GFRA1: variants seen among roughly 807,000 people sequenced by gnomAD.
GFRA1 encodes GDNF family receptor alpha-1.
In GFRA1, 16 loss-of-function variants were observed where a neutral mutation model predicts 51.6. The ratio of observed to expected loss-of-function variants is 0.31; its 90% CI spans 0.21 to 0.47. GFRA1 has a LOEUF of 0.47. GFRA1 is among the 20% of genes least tolerant of loss of function. The probability of loss-of-function intolerance (pLI) is 1.00; values close to 1 mark genes in which losing one functional copy is unlikely to be tolerated. For missense variants in GFRA1, 530 were observed against 594.3 expected, an observed-to-expected ratio of 0.89 and a Z score of 1.13; for synonymous variants, 270 against 241.3, an observed-to-expected ratio of 1.12 and a Z score of -1.10.
intron 5 of GFRA1, among the ~76,000 whole-genome samples, chr10:116,162,672 T>A (rs927877907): frequency 2.0e-5 from 3 of 152,360 alleles, no homozygotes; most frequent in African/African-American, 7.2e-5. Flanking sequence ...CAGGATAGAC[T>A]TTTTAAAAGA....
intron 5 of GFRA1, among the ~76,000 whole-genome samples, chr10:116,200,214 T>C (rs1053386456): frequency 2.0e-5 from 3 of 152,222 alleles, no homozygotes; most frequent in African/African-American, 7.2e-5. Context: ...CTTTCATTTC[T>C]CTGGGGCCTG....
intron 9 of GFRA1, among the ~76,000 whole-genome samples, chr10:116,070,759 CTT>C (rs773344299): frequency 3.0e-3 from 295 of 97,682 alleles, no homozygotes; most frequent in African/African-American, 0.013. Context: ...AGTCTGGAGC[CTT>C]TTTTTTTTTT....
intron 5 of GFRA1, among the ~76,000 whole-genome samples, chr10:116,145,081 G>A (rs1958737720): frequency 6.8e-6 from 1 of 147,934 alleles, no homozygotes. Flanking sequence ...CCCGGGAGGT[G>A]GAGGTTGCAG....
At chr10:116,223,308 C>T (rs1273265131) in intron 4 of GFRA1, among the ~76,000 whole-genome samples, 1 of 152,188 alleles carries the variant, frequency 6.6e-6, no homozygotes, top group Non-Finnish European at 1.5e-5. Flanking sequence ...TGAACAAATA[C>T]TAAAACCAGA....
intron 5 of GFRA1, among the ~76,000 whole-genome samples, chr10:116,130,303 T>G (rs1223686868): frequency 6.6e-6 from 1 of 152,010 alleles, no homozygotes; most frequent in African/African-American, 2.4e-5. Context: ...CAACTAATAT[T>G]ATTACAACAA....
At chr10:116,195,654 A>T (rs898146479) in intron 5 of GFRA1, among the ~76,000 whole-genome samples, 1 of 152,152 alleles carries the variant, frequency 6.6e-6, no homozygotes, top group African/African-American at 2.4e-5. Flanking sequence ...CAGGCCATGG[A>T]CCAGTACCAG....
intron 5 of GFRA1, among the ~76,000 whole-genome samples, chr10:116,162,988 G>A (rs1462563724): frequency 6.6e-6 from 1 of 152,170 alleles, no homozygotes; most frequent in Non-Finnish European, 1.5e-5. Context: ...ACAGTCACAT[G>A]TGCTCCTGAC....
chr10:116,244,591 A>G (rs752612834), intron 4 of GFRA1, among the ~76,000 whole-genome samples: 12 of 151,296 alleles, frequency 7.9e-5, no homozygotes, highest in Non-Finnish European at 1.3e-4. Context: ...TAAAAATTCA[A>G]TATATGGGTT....
chr10:116,251,963 CTTTTTTTTT>C lies in GFRA1; in HGVS notation c.418+17531_418+17539del, dbSNP rs3032041. On this transcript the variant is annotated intron_variant, in intron 4 of 10. Coordinates refer to ENST00000355422, the MANE Select transcript of GFRA1 (RefSeq NM_005264.8). ...AGAGGACACAGACAACAATAGGCCT[CTTTTTTTTT>C]TTTTTTTTTTTTTTTTTTACAATTA... Among the ~76,000 whole-genome samples the C allele has an allele frequency of 2.2e-3, 178 of 79,822 alleles. 1 individual carries two copies. The highest frequency in any genetic ancestry group is 7.7e-3 in the African/African-American group (167 of 21,658). 52.4% of individuals were successfully genotyped at this position (79,822 alleles called of 152,430 possible). A position where few individuals can be genotyped will look rare whatever the true frequency, so the allele number is the denominator to read the frequency against.
At chr10:116,106,220 C>T (rs1957000082) in intron 6 of GFRA1, among the ~76,000 whole-genome samples, 1 of 152,180 alleles carries the variant, frequency 6.6e-6, no homozygotes, top group African/African-American at 2.4e-5. Context: ...CCGAGTCAGA[C>T]TTCTGACCCT....
Position 116,063,739 on chromosome 10 carries a change from GATACTAT to G in GFRA1, c.*652_*658del, listed in dbSNP as rs1438821927. 6.6e-6 allele frequency: 1 copy of G among 152,330 alleles called. No homozygotes were observed. Among genetic ancestry groups the G allele is most frequent in the Non-Finnish European group, 1.5e-5 (1 of 68,172 alleles). The allele number at this position is 152,330 out of a possible 1,614,324, so 9.4% of individuals were successfully genotyped here. On this transcript the variant is annotated 3_prime_UTR_variant, in exon 11 of 11. Coordinates refer to ENST00000355422, the MANE Select transcript of GFRA1 (RefSeq NM_005264.8). Reference sequence around the variant, plus strand: ...CACTCTCTATTTTGACGAAAAGACAGATACTATATTTGGATGTGACAGGTGTTTTTTC... The same window carrying G: ...CACTCTCTATTTTGACGAAAAGACAGATTTGGATGTGACAGGTGTTTTTTC...
chr10:116,254,449 A>G (rs1164399652), intron 4 of GFRA1, among the ~76,000 whole-genome samples: 1 of 151,782 alleles, frequency 6.6e-6, no homozygotes, highest in Non-Finnish European at 1.5e-5. Flanking sequence ...AGGCAGGAGG[A>G]TTGCTTGAAA....
At position 116,183,530 on chromosome 10, in the gene GFRA1, G is replaced by A. The variant is rs977861464; in HGVS notation, c.433+28101C>T. On this transcript the variant is annotated intron_variant, in intron 5 of 10. Coordinates refer to ENST00000355422, the MANE Select transcript of GFRA1 (RefSeq NM_005264.8). ...ATGGCCCCACTCCCACCCCTGAGTA[G>A]TTTTAGGCACCAAGAGGGCAGAGCC... Among the ~76,000 whole-genome samples the A allele has an allele frequency of 2.6e-5, 4 of 152,186 alleles. No homozygotes were observed. In the South Asian group the frequency reaches 8.3e-4, roughly 31 times the overall value.
chr10:116,214,720 G>C (rs565208414), intron 4 of GFRA1, among the ~76,000 whole-genome samples: 1 of 152,170 alleles, frequency 6.6e-6, no homozygotes, highest in African/African-American at 2.4e-5. Flanking sequence ...CTCGACATCC[G>C]TCCAGAATCC....
At chr10:116,143,152 A>T (rs1958644708) in intron 5 of GFRA1, among the ~76,000 whole-genome samples, 1 of 152,164 alleles carries the variant, frequency 6.6e-6, no homozygotes. Flanking sequence ...GTCCCTACTT[A>T]AAACCAGTTG....
chr10:116,245,917 C>G (rs1444851756), intron 4 of GFRA1, among the ~76,000 whole-genome samples: 2 of 152,126 alleles, frequency 1.3e-5, no homozygotes, highest in African/African-American at 2.4e-5. Context: ...CTGCCAGAGG[C>G]TTAGGAGAAG....
chr10:116,088,241 G>C (rs1956177555), intron 9 of GFRA1, among the ~76,000 whole-genome samples: 1 of 152,134 alleles, frequency 6.6e-6, no homozygotes, highest in Admixed American at 6.5e-5. Context: ...GGTCAAGCTA[G>C]TATTTGGTGA....
chr10:116,134,973 T>C (rs188086387), intron 5 of GFRA1, among the ~76,000 whole-genome samples: 1 of 151,924 alleles, frequency 6.6e-6, no homozygotes, highest in African/African-American at 2.4e-5. Flanking sequence ...ATTACATTTT[T>C]AATTAACCTT....
intron 5 of GFRA1, among the ~76,000 whole-genome samples, chr10:116,158,795 G>A (rs150516839): frequency 6.6e-6 from 1 of 152,302 alleles, no homozygotes; most frequent in East Asian, 1.9e-4. Flanking sequence ...ACCAGAGGGG[G>A]TCATCCTGGC....
Sources: allele counts gnomAD v4.1 joint callset (sites outside exome capture counted in the v4.1 genomes callset), GRCh38; gene constraint gnomAD v4.1.1; transcripts MANE v1.5; gene names NCBI Gene and HGNC (gene_info 2026-07-23, HGNC 2026-07-21).